DNAJB4: variants seen among roughly 807,000 people sequenced by gnomAD.
The protein encoded by DNAJB4 is dnaJ homolog subfamily B member 4.
DNAJB4 carries 10 observed loss-of-function variants against 26.6 expected under a neutral mutation model. The observed-to-expected ratio is 0.38, with a 90% CI of 0.23 to 0.64. The LOEUF (loss-of-function observed/expected upper bound fraction) is 0.64, where lower values mean the gene tolerates loss of function less well. Ranked by LOEUF, DNAJB4 falls within the 30% of genes least tolerant of loss-of-function variation. The probability of loss-of-function intolerance (pLI) is 0.58; values close to 1 mark genes in which losing one functional copy is unlikely to be tolerated. For synonymous variants in DNAJB4, 136 were observed against 134.8 expected (o/e 1.01, Z -0.06); for missense variants, 328 against 408.2 (o/e 0.80, Z 1.69).
chr1:77,989,747 C>T (rs531110084), intron 1 of DNAJB4, among the ~76,000 whole-genome samples: 1 of 152,300 alleles, frequency 6.6e-6, no homozygotes, highest in South Asian at 2.1e-4. Flanking sequence ...AAGAGAATCT[C>T]TTAAGTCCAA....
intron 1 of DNAJB4, among the ~76,000 whole-genome samples, chr1:77,994,166 C>T (rs961814520): frequency 3.2e-4 from 49 of 151,938 alleles, no homozygotes; most frequent in African/African-American, 1.2e-3. Context: ...CTTTGGGAGG[C>T]GGAGGTGGGA....
intron 1 of DNAJB4, among the ~76,000 whole-genome samples, 176 bp downstream of exon 1, chr1:78,005,497 A>G (rs2102605712): frequency 6.6e-6 from 1 of 152,264 alleles, no homozygotes; most frequent in African/African-American, 2.4e-5. Context: ...TTCATCTCTG[A>G]TCATATGAAT....
At chr1:77,992,436 A>G (rs1286846554) in intron 1 of DNAJB4, among the ~76,000 whole-genome samples, 1 of 150,618 alleles carries the variant, frequency 6.6e-6, no homozygotes, top group Non-Finnish European at 1.5e-5. Context: ...AAAAAAAAAA[A>G]AGAACATAAC....
chr1:78,009,676 G>A (rs1192054713), intron 1 of DNAJB4, among the ~76,000 whole-genome samples: 1 of 152,140 alleles, frequency 6.6e-6, no homozygotes, highest in African/African-American at 2.4e-5. Context: ...GCATAATAAT[G>A]TATATTAAAG....
Position 77,988,517 on chromosome 1 carries a change from C to T in DNAJB4, c.-32+8195C>T, listed in dbSNP as rs142489521. Among the ~76,000 whole-genome samples, 813 of 152,326 alleles carry T rather than the reference C, an allele frequency of 5.3e-3. 4 individuals carry two copies. Among genetic ancestry groups the T allele is most frequent in the South Asian group, 0.023 (113 of 4,828 alleles). On this transcript the variant is annotated intron_variant, in intron 1 of 2. Coordinates refer to the DNAJB4 transcript ENST00000426517. Reference sequence around the variant, plus strand: ...CCATCTTTCAACCCCTTCACCATCTCTATCATTCTGACTCAGCCACCTTGC... The same window carrying T: ...CCATCTTTCAACCCCTTCACCATCTTTATCATTCTGACTCAGCCACCTTGC...
chr1:77,981,511 A>G (rs1395687535), intron 1 of DNAJB4, among the ~76,000 whole-genome samples: 4 of 151,972 alleles, frequency 2.6e-5, no homozygotes, highest in African/African-American at 7.3e-5. Flanking sequence ...ACAGTGTTTC[A>G]CCATGTTGGC....
chr1:77,980,555 T>C (rs774734374), intron 1 of DNAJB4, among the ~76,000 whole-genome samples: 33 of 152,232 alleles, frequency 2.2e-4, no homozygotes, highest in Non-Finnish European at 2.6e-4. Flanking sequence ...ACTTTTTTTT[T>C]CCAAAATTAT....
chr1:78,009,856 C>T (rs957277278), intron 1 of DNAJB4, among the ~76,000 whole-genome samples: 2 of 152,252 alleles, frequency 1.3e-5, no homozygotes, highest in Admixed American at 6.5e-5. Flanking sequence ...GAACTCCAGA[C>T]CTCATGCTCC....
chr1:77,992,136 G>C (rs539093435), intron 1 of DNAJB4, among the ~76,000 whole-genome samples: 1 of 152,148 alleles, frequency 6.6e-6, no homozygotes, highest in East Asian at 1.9e-4. Context: ...AAATGAGGCC[G>C]GGCGCGGTGG....
chr1:77,991,986 G>A (rs1158645123), intron 1 of DNAJB4, among the ~76,000 whole-genome samples: 1 of 152,182 alleles, frequency 6.6e-6, no homozygotes, highest in Non-Finnish European at 1.5e-5. Flanking sequence ...TGTGACCAGA[G>A]CCTGGCAGGA....
chr1:78,005,228 C>G lies in DNAJB4; in HGVS notation c.118C>G (p.Gln40Glu), dbSNP rs781550817. The G allele has an allele frequency of 6.2e-7, 1 of 1,614,104 alleles. No individual in the cohort carries two copies. The highest frequency in any genetic ancestry group is 8.5e-7 in the Non-Finnish European group (1 of 1,179,990). ...KFHPDKNKSPQAEEKFKEVAE... is the reference protein window; with the variant it reads ...KFHPDKNKSPEAEEKFKEVAE... ...TCATCCGGACAAGAACAAATCTCCT[C>G]AGGCAGAGGAAAAATTTAAAGAGGT... The change falls in exon 1 of 3, where the codon CAG becomes GAG. Residue 40 changes from glutamine (Q) to glutamate (E), a missense_variant. Transcript: ENST00000370763.
intron 2 of DNAJB4, 78 bp downstream of exon 2, chr1:78,013,697 A>G: frequency 8.6e-7 from 1 of 1,166,156 alleles, no homozygotes. Flanking sequence ...GATAATAGCT[A>G]ACATTTATTT....
chr1:77,982,466 A>G (rs1659676315), intron 1 of DNAJB4, among the ~76,000 whole-genome samples: 1 of 152,346 alleles, frequency 6.6e-6, no homozygotes, highest in South Asian at 2.1e-4. Flanking sequence ...CTGACTAACC[A>G]ATTGCAGTGA....
chr1:77,989,346 TTTC>T (rs530780004), intron 1 of DNAJB4, among the ~76,000 whole-genome samples: 114 of 152,338 alleles, frequency 7.5e-4, no homozygotes, highest in African/African-American at 2.5e-3. Flanking sequence ...TCTATATTGT[TTTC>T]TTCTTCTCTG....
chr1:77,984,497 C>T (rs1000258857), intron 1 of DNAJB4, among the ~76,000 whole-genome samples: 8 of 151,976 alleles, frequency 5.3e-5, no homozygotes, highest in Non-Finnish European at 1.0e-4. Flanking sequence ...TGATTCTACT[C>T]ATCAAGATTT....
chr1:77,989,079 T>TCC (rs1659870637), intron 1 of DNAJB4, among the ~76,000 whole-genome samples: 1 of 151,956 alleles, frequency 6.6e-6, no homozygotes, highest in African/African-American at 2.4e-5. Context: ...GCAGTGGATG[T>TCC]CCCCCCACTC....
intron 1 of DNAJB4, among the ~76,000 whole-genome samples, chr1:77,998,741 G>T (rs927255575): frequency 6.6e-6 from 1 of 152,058 alleles, no homozygotes. Flanking sequence ...TGGGGGCTGA[G>T]GTGGGAAAAT....
upstream of DNAJB4, among the ~76,000 whole-genome samples, chr1:78,000,992 C>CAA (rs11442162): frequency 7.8e-4 from 116 of 148,442 alleles, no homozygotes; most frequent in Admixed American, 1.2e-3. Context: ...GACCCTGTCT[C>CAA]AAAAAAAAAA....
chr1:77,998,256 ATACT>A lies in DNAJB4; in HGVS notation c.-31-6822_-31-6819del, dbSNP rs772912920. ...CATAAATATTTGCTGAGTGATTGAA[ATACT>A]TTATTTGTGGAAAATGTGCACTATG... On this transcript the variant is annotated intron_variant, in intron 1 of 2. Coordinates refer to the DNAJB4 transcript ENST00000426517. Among the ~76,000 whole-genome samples the A allele has an allele frequency of 5.3e-5, 8 of 152,228 alleles. No individual in the cohort carries two copies. The South Asian group carries it at 6.2e-4, about 12-fold the overall frequency.
Sources: gnomAD v4.1 joint callset for allele counts (sites outside exome capture counted in the v4.1 genomes callset) on GRCh38, gnomAD v4.1.1 for gene constraint, MANE v1.5 for transcripts, NCBI Gene and HGNC (gene_info 2026-07-23, HGNC 2026-07-21) for gene names.